PLXDC2: variants seen among roughly 807,000 people sequenced by gnomAD.
The protein encoded by PLXDC2 is plexin domain containing 2, also known as plexin domain-containing protein 2.
A neutral mutation model predicts 68.9 loss-of-function variants in PLXDC2; 40 were observed. The ratio of observed to expected loss-of-function variants is 0.58; its 90% CI spans 0.45 to 0.76. The LOEUF (loss-of-function observed/expected upper bound fraction) is 0.76. Among genes scored for constraint, PLXDC2 ranks in the 30% least tolerant of loss-of-function variants. The pLI, the probability that PLXDC2 is intolerant of heterozygous loss-of-function variation, is 0.00. For synonymous variants in PLXDC2, 243 were observed against 234.2 expected, an observed-to-expected ratio of 1.04 and a Z score of -0.34; for missense variants, 644 against 661.9, an observed-to-expected ratio of 0.97 and a Z score of 0.30.
chr10:20,278,757 A>G (rs937240711), intron 13 of PLXDC2, among the ~76,000 whole-genome samples: 4 of 152,338 alleles, frequency 2.6e-5, no homozygotes, highest in East Asian at 3.9e-4. Context: ...ACACTGACAT[A>G]TAACCTGTTT....
chr10:19,879,827 G>T (rs941524094), intron 1 of PLXDC2, among the ~76,000 whole-genome samples: 3 of 152,140 alleles, frequency 2.0e-5, no homozygotes, highest in African/African-American at 7.2e-5. Context: ...TGTGGTCAGT[G>T]AGTTGATTGG....
intron 1 of PLXDC2, among the ~76,000 whole-genome samples, chr10:19,931,184 G>T (rs1833625605): frequency 1.3e-5 from 2 of 152,244 alleles, no homozygotes; most frequent in South Asian, 4.1e-4. Context: ...AGGTTTTCAA[G>T]GCATGATCGG....
chr10:20,065,078 C>G (rs1007080804), intron 3 of PLXDC2, among the ~76,000 whole-genome samples: 1 of 152,116 alleles, frequency 6.6e-6, no homozygotes, highest in Non-Finnish European at 1.5e-5. Flanking sequence ...AATAAACTGT[C>G]TGCCCCTAAG....
At chr10:20,176,921 C>G (rs1271431473) in intron 7 of PLXDC2, 78 bp from the exon 8 acceptor site, 9 of 1,033,636 alleles carry the variant, frequency 8.7e-6, no homozygotes, top group Middle Eastern at 2.7e-4. Flanking sequence ...GTATATAATT[C>G]TATATCCATT....
chr10:19,916,872 G>T (rs1159734908), intron 1 of PLXDC2, among the ~76,000 whole-genome samples: 1 of 152,134 alleles, frequency 6.6e-6, no homozygotes, highest in Non-Finnish European at 1.5e-5. Context: ...CCAACATTGA[G>T]TCTCTAGAGC....
chr10:19,839,014 C>T (rs420898), intron 1 of PLXDC2, among the ~76,000 whole-genome samples: 41,466 of 151,566 alleles, frequency 0.27, 6,226 homozygotes, highest in East Asian at 0.46. Context: ...GGTGAAACCC[C>T]GTCTGTAATA....
chr10:20,196,591 C>T (rs896251697), intron 9 of PLXDC2, among the ~76,000 whole-genome samples: 3 of 152,094 alleles, frequency 2.0e-5, no homozygotes, highest in Admixed American at 2.0e-4. Flanking sequence ...GTAGATACCA[C>T]CCAGTAATCT....
intron 2 of PLXDC2, among the ~76,000 whole-genome samples, chr10:20,011,205 G>T (rs532484112): frequency 2.0e-5 from 3 of 152,224 alleles, no homozygotes; most frequent in Admixed American, 2.0e-4. Flanking sequence ...GGAACAAGTG[G>T]CCATTGAGTA....
chr10:20,002,077 T>G lies in PLXDC2; in HGVS notation c.324+91T>G, dbSNP rs1452933950. ...TATATAGACATAAGTTGTCTCTTCA[T>G]CTCAATCTAGAAATTTTGGATTTCT... On this transcript the variant is annotated intron_variant, in intron 2 of 13. Transcript: ENST00000377252. The G allele has an allele frequency of 3.1e-6, 4 of 1,281,276 alleles. No homozygotes were observed. The South Asian group carries it at 4.3e-5, about 14-fold the overall frequency. 79.4% of individuals were successfully genotyped at this position (1,281,276 alleles called of 1,614,324 possible). A position where few individuals can be genotyped will look rare whatever the true frequency, so the allele number is the denominator to read the frequency against.
At position 19,854,334 on chromosome 10, in the gene PLXDC2, A is replaced by G. The variant is rs183848893; in HGVS notation, c.112+37143A>G. The stretch of plus-strand genomic sequence containing the variant: ...CACAACAACCAGACTAGCCTAAACT[A>G]TAGCAGACAAAAGTCCTAGATATGT... On this transcript the variant is annotated intron_variant, in intron 1 of 13. Transcript: ENST00000377252. Among the ~76,000 whole-genome samples, 202 of 152,328 alleles carry G rather than the reference A, an allele frequency of 1.3e-3. 3 individuals carry two copies. Among genetic ancestry groups the G allele is most frequent in the Admixed American group, 4.1e-3 (63 of 15,310 alleles).
intron 2 of PLXDC2, among the ~76,000 whole-genome samples, chr10:20,026,216 C>T (rs77908472): frequency 1.6e-3 from 236 of 151,942 alleles, no homozygotes; most frequent in African/African-American, 5.5e-3. Flanking sequence ...AGCATAAATG[C>T]AGAGACTATG....
At chr10:20,010,938 C>T (rs1835102205) in intron 2 of PLXDC2, among the ~76,000 whole-genome samples, 2 of 152,132 alleles carry the variant, frequency 1.3e-5, no homozygotes, top group Non-Finnish European at 2.9e-5. Flanking sequence ...TGCCAAGTAA[C>T]AGTCAATCAG....
At chr10:20,048,310 A>G (rs529114204) in intron 3 of PLXDC2, among the ~76,000 whole-genome samples, 16 of 152,090 alleles carry the variant, frequency 1.1e-4, no homozygotes, top group African/African-American at 2.9e-4. Context: ...TGTAGAGCAC[A>G]TGCTTTCTGC....
chr10:19,836,185 A>AC (rs1836788497), intron 1 of PLXDC2, among the ~76,000 whole-genome samples: 1 of 152,118 alleles, frequency 6.6e-6, no homozygotes, highest in Non-Finnish European at 1.5e-5. Flanking sequence ...TGAAAAGAAA[A>AC]CAAAAAAAAG....
intron 1 of PLXDC2, among the ~76,000 whole-genome samples, chr10:19,966,030 A>G (rs1834242635): frequency 6.6e-6 from 1 of 152,000 alleles, no homozygotes; most frequent in African/African-American, 2.4e-5. Context: ...TGCTATTATA[A>G]TCACATTGTA....
chr10:20,162,524 A>T lies in PLXDC2; in HGVS notation c.784-1944A>T, dbSNP rs185999157. Among the ~76,000 whole-genome samples, 295 of 152,306 alleles carry T rather than the reference A, an allele frequency of 1.9e-3. 1 individual carries two copies. The highest frequency in any genetic ancestry group is 0.014 in the Middle Eastern group (4 of 294). ...ATGGCATTAATAGATGCTTGCTTCTATTAATAGATTCTGCTTAAAAATGAG... is the reference window on the plus strand; with the variant it reads ...ATGGCATTAATAGATGCTTGCTTCTTTTAATAGATTCTGCTTAAAAATGAG... On this transcript the variant is annotated intron_variant, in intron 6 of 13. Transcript: ENST00000377252.
intron 1 of PLXDC2, among the ~76,000 whole-genome samples, chr10:19,945,422 C>T (rs1463064865): frequency 2.0e-5 from 3 of 152,150 alleles, no homozygotes; most frequent in African/African-American, 7.2e-5. Flanking sequence ...TCTTCCTGTC[C>T]TGCAAACCTT....
chr10:19,883,883 A>ATTTTTTTTTTT (rs1564618531), intron 1 of PLXDC2, among the ~76,000 whole-genome samples: 3 of 41,904 alleles, frequency 7.2e-5, no homozygotes, highest in African/African-American at 4.6e-4. Context: ...ATCCCTTTAA[A>ATTTTTTTTTTT]CTTTTTTTTT....
chr10:20,235,480 T>G (rs1187321585), intron 12 of PLXDC2, among the ~76,000 whole-genome samples: 2 of 152,244 alleles, frequency 1.3e-5, no homozygotes, highest in Admixed American at 6.5e-5. Context: ...TATTATATTT[T>G]AAGCACAATG....
Sources: gnomAD v4.1 joint callset for allele counts (sites outside exome capture counted in the v4.1 genomes callset) on GRCh38, gnomAD v4.1.1 for gene constraint, MANE v1.5 for transcripts, NCBI Gene and HGNC (gene_info 2026-07-23, HGNC 2026-07-21) for gene names.